The following PDGFC variants were observed in gnomAD, a reference collection of about 807,000 sequenced individuals.
PDGFC encodes platelet derived growth factor C, also known as platelet-derived growth factor C.
In PDGFC, 12 loss-of-function variants were observed where a neutral mutation model predicts 35.5. The observed-to-expected ratio is 0.34, with a 90% CI of 0.22 to 0.55. The LOEUF (loss-of-function observed/expected upper bound fraction) is 0.55, where lower values mean the gene tolerates loss of function less well. Ranked by LOEUF, PDGFC falls within the 20% of genes least tolerant of loss-of-function variation. The pLI is 0.91. For missense variants in PDGFC, 322 were observed against 412.4 expected (o/e 0.78, Z 1.90); for synonymous variants, 159 against 148.8 (o/e 1.07, Z -0.50).
At chr4:156,866,163 G>A (rs1729836523) in intron 1 of PDGFC, among the ~76,000 whole-genome samples, 1 of 151,978 alleles carries the variant, frequency 6.6e-6, no homozygotes, top group African/African-American at 2.4e-5. Flanking sequence ...GTGTCCATGT[G>A]TTCTCATTGT....
chr4:156,779,580 A>G (rs1579003312), intron 3 of PDGFC, among the ~76,000 whole-genome samples: 1 of 152,344 alleles, frequency 6.6e-6, no homozygotes, highest in South Asian at 2.1e-4. Flanking sequence ...CATGAGTTTC[A>G]TGGTTTCAGA....
intron 2 of PDGFC, among the ~76,000 whole-genome samples, chr4:156,832,742 C>G (rs1468464844): frequency 1.3e-5 from 2 of 152,146 alleles, no homozygotes; most frequent in African/African-American, 4.8e-5. Context: ...TTGCAAAGTA[C>G]AGTATTTCAG....
At chr4:156,863,133 C>T (rs1729757332) in intron 1 of PDGFC, among the ~76,000 whole-genome samples, 1 of 152,100 alleles carries the variant, frequency 6.6e-6, no homozygotes, top group Non-Finnish European at 1.5e-5. Flanking sequence ...AATTAGTTGT[C>T]ACAATAAATA....
intron 1 of PDGFC, among the ~76,000 whole-genome samples, chr4:156,850,783 T>C (rs1039838967): frequency 1.3e-5 from 2 of 151,486 alleles, no homozygotes; most frequent in African/African-American, 4.9e-5. Flanking sequence ...ACACTAGATA[T>C]AATTCTATTT....
At chr4:156,966,922 A>T (rs1209106088) in intron 1 of PDGFC, among the ~76,000 whole-genome samples, 1 of 152,196 alleles carries the variant, frequency 6.6e-6, no homozygotes, top group East Asian at 1.9e-4. Flanking sequence ...GAGCTTTTTA[A>T]TCACCTACTG....
At chr4:156,939,284 A>G (rs1425541224) in intron 1 of PDGFC, among the ~76,000 whole-genome samples, 1 of 152,122 alleles carries the variant, frequency 6.6e-6, no homozygotes, top group African/African-American at 2.4e-5. Context: ...GTATTATACA[A>G]TAATATGTGC....
intron 3 of PDGFC, among the ~76,000 whole-genome samples, chr4:156,785,624 G>C (rs1336107460): frequency 6.6e-6 from 1 of 152,136 alleles, no homozygotes. Flanking sequence ...TCAGATAAAG[G>C]GGTGACTGAA....
intron 4 of PDGFC, among the ~76,000 whole-genome samples, chr4:156,769,570 A>G (rs539196634): frequency 2.0e-4 from 31 of 152,048 alleles, no homozygotes; most frequent in African/African-American, 7.5e-4. Context: ...TATTTTTCTA[A>G]CTCAAGGGAA....
chr4:156,963,829 G>T (rs771527552), intron 1 of PDGFC, among the ~76,000 whole-genome samples: 5 of 152,036 alleles, frequency 3.3e-5, no homozygotes, highest in Non-Finnish European at 5.9e-5. Context: ...AATTATAAAC[G>T]TAGTTATTAT....
chr4:156,813,601 G>T (rs780671559), intron 2 of PDGFC, among the ~76,000 whole-genome samples: 1 of 152,036 alleles, frequency 6.6e-6, no homozygotes, highest in East Asian at 1.9e-4. Context: ...GAAAGAAAGC[G>T]CTAAGCATGG....
At chr4:156,945,548 G>T (rs986281605) in intron 1 of PDGFC, among the ~76,000 whole-genome samples, 3 of 151,462 alleles carry the variant, frequency 2.0e-5, no homozygotes, top group Non-Finnish European at 2.9e-5. Context: ...AAGCAGGGGG[G>T]CAAATGAATT....
At chr4:156,843,384 A>T (rs1729250694) in intron 2 of PDGFC, among the ~76,000 whole-genome samples, 1 of 152,220 alleles carries the variant, frequency 6.6e-6, no homozygotes, top group Non-Finnish European at 1.5e-5. Flanking sequence ...TTGTTACAGC[A>T]GTCCAAACAG....
intron 1 of PDGFC, among the ~76,000 whole-genome samples, chr4:156,964,109 C>A (rs1732405980): frequency 6.6e-6 from 1 of 151,568 alleles, no homozygotes; most frequent in Non-Finnish European, 1.5e-5. Context: ...GTTCACTAAA[C>A]ATGCTTATTT....
At chr4:156,808,826 T>C (rs866513794) in intron 3 of PDGFC, among the ~76,000 whole-genome samples, 21 of 151,962 alleles carry the variant, frequency 1.4e-4, no homozygotes, top group Admixed American at 5.3e-4. Context: ...GAGAGATGAA[T>C]GGATATATGG....
chr4:156,856,921 C>T (rs905427425), intron 1 of PDGFC, among the ~76,000 whole-genome samples: 1 of 152,030 alleles, frequency 6.6e-6, no homozygotes, highest in Non-Finnish European at 1.5e-5. Context: ...CTGCCATTTT[C>T]TTAATATACC....
intron 1 of PDGFC, among the ~76,000 whole-genome samples, chr4:156,893,217 G>A (rs529700581): frequency 2.4e-4 from 36 of 152,172 alleles, no homozygotes; most frequent in Non-Finnish European, 4.4e-4. Context: ...TTTCATTAAT[G>A]TAAGAAGAGC....
chr4:156,925,088 A>G (rs1472383093), intron 1 of PDGFC, among the ~76,000 whole-genome samples: 1 of 152,228 alleles, frequency 6.6e-6, no homozygotes, highest in Admixed American at 6.5e-5. Context: ...TGAGGAAATC[A>G]TGAGAACAGG....
At chr4:156,787,700 T>C (rs1272629238) in intron 3 of PDGFC, among the ~76,000 whole-genome samples, 1 of 151,944 alleles carries the variant, frequency 6.6e-6, no homozygotes, top group Non-Finnish European at 1.5e-5. Context: ...GGAGGCACAC[T>C]TGAGTGGTCA....
Position 156,762,456 on chromosome 4 carries a change from C to A in PDGFC, c.*634G>T, listed in dbSNP as rs1424019776. On this transcript the variant is annotated 3_prime_UTR_variant, in exon 6 of 6. Coordinates refer to ENST00000502773, the MANE Select transcript of PDGFC (RefSeq NM_016205.3). The stretch of plus-strand genomic sequence containing the variant: ...CTTTTCAGGTTTATCTCTTCCAAAC[C>A]ATGAATGTAGTTCTCTTCTTCTAAA... 6.6e-6 allele frequency: 1 copy of A among 152,354 alleles called. No individual in the cohort carries two copies. Among genetic ancestry groups the A allele is most frequent in the Admixed American group, 6.5e-5 (1 of 15,272 alleles). The allele number at this position is 152,354 out of a possible 1,614,324, so 9.4% of individuals were successfully genotyped here.
Sources: allele counts gnomAD v4.1 joint callset (sites outside exome capture counted in the v4.1 genomes callset), GRCh38; gene constraint gnomAD v4.1.1; transcripts MANE v1.5; gene names NCBI Gene and HGNC (gene_info 2026-07-23, HGNC 2026-07-21).